Variants in PPP1R14C observed in about 807,000 individuals in gnomAD.
The protein encoded by PPP1R14C is protein phosphatase 1 regulatory inhibitor subunit 14C, also known as protein phosphatase 1 regulatory subunit 14C.
In PPP1R14C, 16 loss-of-function variants were observed where a neutral mutation model predicts 20.4. That is an observed-to-expected ratio of 0.78 (90% CI 0.53 to 1.19). The LOEUF (loss-of-function observed/expected upper bound fraction) is 1.19. PPP1R14C is among the 50% of genes most tolerant of loss of function. PPP1R14C has a pLI of 0.00. For synonymous variants in PPP1R14C, 91 were observed against 91.0 expected, an observed-to-expected ratio of 1.00 and a Z score of 0.00; for missense variants, 211 against 220.1, an observed-to-expected ratio of 0.96 and a Z score of 0.26.
At chr6:150,186,623 A>G (rs907659793) in intron 1 of PPP1R14C, among the ~76,000 whole-genome samples, 1 of 152,178 alleles carries the variant, frequency 6.6e-6, no homozygotes, top group Non-Finnish European at 1.5e-5. Flanking sequence ...GATAAACATC[A>G]TGGCGGCTCA....
At chr6:150,192,748 G>T (rs767182433) in intron 1 of PPP1R14C, among the ~76,000 whole-genome samples, 1 of 152,200 alleles carries the variant, frequency 6.6e-6, no homozygotes, top group Non-Finnish European at 1.5e-5. Flanking sequence ...TTACACAGCC[G>T]GAGTCAGATG....
intron 1 of PPP1R14C, among the ~76,000 whole-genome samples, chr6:150,203,911 C>T (rs1188194155): frequency 2.0e-5 from 3 of 152,248 alleles, no homozygotes; most frequent in Non-Finnish European, 4.4e-5. Flanking sequence ...GGCTGGACTG[C>T]TGCTGCTCTG....
chr6:150,220,849 G>T (rs1275961398), intron 3 of PPP1R14C, among the ~76,000 whole-genome samples: 2 of 152,186 alleles, frequency 1.3e-5, no homozygotes, highest in African/African-American at 2.4e-5. Flanking sequence ...CAATGAAAAT[G>T]GTGGGTCTTG....
chr6:150,210,484 C>CT (rs1175582353), intron 1 of PPP1R14C, among the ~76,000 whole-genome samples: 5 of 152,224 alleles, frequency 3.3e-5, no homozygotes, highest in African/African-American at 7.2e-5. Context: ...CCACAGCCTC[C>CT]TGCCTCCTCC....
At chr6:150,215,459 T>G (rs7758014) in intron 2 of PPP1R14C, among the ~76,000 whole-genome samples, 31,973 of 152,146 alleles carry the variant, frequency 0.21, 4,989 homozygotes, top group African/African-American at 0.44. Flanking sequence ...CAATTAACTT[T>G]TGACTTGCCA....
intron 1 of PPP1R14C, among the ~76,000 whole-genome samples, chr6:150,200,796 T>C (rs1404390315): frequency 6.6e-6 from 1 of 152,236 alleles, no homozygotes; most frequent in Non-Finnish European, 1.5e-5. Flanking sequence ...AATCCATTCA[T>C]ATCTGCCTCA....
intron 1 of PPP1R14C, among the ~76,000 whole-genome samples, chr6:150,188,851 T>A (rs1027551224): frequency 1.5e-4 from 23 of 151,092 alleles, no homozygotes; most frequent in African/African-American, 4.1e-4. Context: ...TTTAATTTTT[T>A]AATTATTATT....
intron 3 of PPP1R14C, among the ~76,000 whole-genome samples, chr6:150,230,921 A>T (rs1052411450): frequency 1.3e-5 from 2 of 152,222 alleles, no homozygotes; most frequent in Non-Finnish European, 2.9e-5. Flanking sequence ...GAACAGATGA[A>T]TTACTTTGAA....
intron 1 of PPP1R14C, among the ~76,000 whole-genome samples, chr6:150,159,611 G>A (rs1024188758): frequency 2.0e-5 from 2 of 101,606 alleles, no homozygotes; most frequent in African/African-American, 8.3e-5. Context: ...GTCTCTGCCA[G>A]GCATTCTTTT....
chr6:150,196,199 C>A, intron 1 of PPP1R14C: 1 of 884,130 alleles, frequency 1.1e-6, no homozygotes, highest in Non-Finnish European at 1.4e-6. Flanking sequence ...TAGAAACTGG[C>A]AAAGATTTAT....
intron 3 of PPP1R14C, among the ~76,000 whole-genome samples, chr6:150,238,653 G>C (rs996274098): frequency 3.9e-5 from 6 of 152,228 alleles, no homozygotes; most frequent in Non-Finnish European, 2.9e-5. Flanking sequence ...TTCCCAGCTG[G>C]CCTGGGAGCT....
intron 3 of PPP1R14C, among the ~76,000 whole-genome samples, chr6:150,241,244 A>G (rs891399643): frequency 6.6e-6 from 1 of 152,170 alleles, no homozygotes. Flanking sequence ...TGGGTTGCTG[A>G]GCATATGTAT....
intron 1 of PPP1R14C, among the ~76,000 whole-genome samples, chr6:150,144,468 CCTCT>C (rs1777160615): frequency 6.6e-6 from 1 of 152,216 alleles, no homozygotes; most frequent in African/African-American, 2.4e-5. Flanking sequence ...GAAGTGACCT[CCTCT>C]TAAGGGAGTG....
chr6:150,190,673 C>G (rs1777731684), intron 1 of PPP1R14C, among the ~76,000 whole-genome samples: 1 of 152,136 alleles, frequency 6.6e-6, no homozygotes, highest in African/African-American at 2.4e-5. Context: ...GATCCACTCT[C>G]CTCGGCCTCT....
intron 1 of PPP1R14C, among the ~76,000 whole-genome samples, chr6:150,199,465 T>G (rs1391967437): frequency 6.6e-6 from 1 of 152,162 alleles, no homozygotes; most frequent in Non-Finnish European, 1.5e-5. Context: ...GTGAGGACAC[T>G]GTGTTCTGGA....
intron 1 of PPP1R14C, among the ~76,000 whole-genome samples, chr6:150,170,778 C>T (rs1331456550): frequency 4.6e-5 from 6 of 131,290 alleles, no homozygotes; most frequent in African/African-American, 8.6e-5. Context: ...CAGTACGACT[C>T]TTTTTTTTTT....
intron 1 of PPP1R14C, among the ~76,000 whole-genome samples, chr6:150,197,481 C>T (rs1001476064): frequency 6.6e-6 from 1 of 152,192 alleles, no homozygotes; most frequent in African/African-American, 2.4e-5. Flanking sequence ...GGCCTGGGGT[C>T]GGTGAGATTA....
At chr6:150,248,490 G>C (rs974128536) in intron 3 of PPP1R14C, among the ~76,000 whole-genome samples, 3 of 152,224 alleles carry the variant, frequency 2.0e-5, no homozygotes, top group African/African-American at 7.2e-5. Context: ...CAGGGGCCAA[G>C]TAGGTCATGT....
intron 1 of PPP1R14C, among the ~76,000 whole-genome samples, chr6:150,162,532 TC>T (rs1777381633): frequency 7.8e-5 from 1 of 12,794 alleles, no homozygotes; most frequent in Middle Eastern, 0.042. Context: ...GATAGCTCCA[TC>T]TTTTTATGGC....
Sources: allele counts gnomAD v4.1 joint callset (sites outside exome capture counted in the v4.1 genomes callset), GRCh38; gene constraint gnomAD v4.1.1; transcripts MANE v1.5; gene names NCBI Gene and HGNC (gene_info 2026-07-23, HGNC 2026-07-21).